The following ABI3BP variants were observed in gnomAD, a reference collection of about 807,000 sequenced individuals.
ABI3BP encodes target of Nesh-SH3.
ABI3BP carries 216 observed loss-of-function variants against 268.6 expected under a neutral mutation model. The observed-to-expected ratio is 0.80, with a 90% CI of 0.72 to 0.90. The LOEUF is 0.90. Ranked by LOEUF, ABI3BP falls within the 40% of genes least tolerant of loss-of-function variation. The pLI, the probability that ABI3BP is intolerant of heterozygous loss-of-function variation, is 0.00. For missense variants in ABI3BP, 2,090 were observed against 2,182.4 expected, an observed-to-expected ratio of 0.96 and a Z score of 0.84; for synonymous variants, 730 against 730.0, an observed-to-expected ratio of 1.00 and a Z score of 0.00.
intron 5 of ABI3BP, among the ~76,000 whole-genome samples, 200 bp downstream of exon 5, chr3:100,885,942 C>T (rs3732898): frequency 0.36 from 55,067 of 151,762 alleles, 10,655 homozygotes; most frequent in East Asian, 0.71. Context: ...ATATTTATTA[C>T]TTATTTTAAA....
At chr3:100,969,354 C>A (rs1446947903) in intron 1 of ABI3BP, among the ~76,000 whole-genome samples, 1 of 152,124 alleles carries the variant, frequency 6.6e-6, no homozygotes, top group East Asian at 1.9e-4. Flanking sequence ...AGTGGCATTG[C>A]CAGAATTAGA....
At chr3:100,882,456 A>G (rs2039808580) in intron 6 of ABI3BP, among the ~76,000 whole-genome samples, 1 of 146,736 alleles carries the variant, frequency 6.8e-6, no homozygotes, top group Non-Finnish European at 1.5e-5. Flanking sequence ...ATATATATAT[A>G]TATATTTTTT....
intron 3 of ABI3BP, among the ~76,000 whole-genome samples, chr3:100,901,550 G>A (rs551149310): frequency 1.3e-5 from 2 of 152,222 alleles, no homozygotes; most frequent in South Asian, 4.1e-4. Flanking sequence ...TGGATCATGA[G>A]GTCAGGAGGT....
In ABI3BP at chr3:100,838,303, C is replaced by T; in HGVS notation, c.2009-19G>A. The stretch of plus-strand genomic sequence containing the variant: ...TTTGAACCTGAAGAAAATTAGAGTG[C>T]CATAATTAGTGTTACGGCTGAGCTG... On this transcript the variant is annotated intron_variant, in intron 25 of 67. Transcript: ENST00000471714. The T allele has an allele frequency of 1.3e-6, 2 of 1,534,658 alleles. No individual in the cohort carries two copies. The highest frequency in any genetic ancestry group is 1.7e-6 in the Non-Finnish European group (2 of 1,145,400).
At chr3:100,846,217 T>C (rs2098766359) in intron 20 of ABI3BP, among the ~76,000 whole-genome samples, 155 bp downstream of exon 20, 1 of 152,212 alleles carries the variant, frequency 6.6e-6, no homozygotes, top group African/African-American at 2.4e-5. Context: ...ACAGTGGCTA[T>C]TTATGATTAG....
intron 62 of ABI3BP, among the ~76,000 whole-genome samples, chr3:100,768,340 A>G (rs577729177): frequency 1.6e-4 from 24 of 152,174 alleles, no homozygotes; most frequent in Admixed American, 5.2e-4. Context: ...CGCCCACCTC[A>G]GCCTCCCAGA....
intron 31 of ABI3BP, 51 bp downstream of exon 31, chr3:100,832,213 C>T: frequency 1.3e-6 from 2 of 1,494,696 alleles, no homozygotes; most frequent in Non-Finnish European, 1.8e-6. Flanking sequence ...ACTTACAGTC[C>T]CAACCGTGGT....
chr3:100,855,256 A>C (rs1431951283), intron 14 of ABI3BP, among the ~76,000 whole-genome samples: 1 of 152,204 alleles, frequency 6.6e-6, no homozygotes, highest in African/African-American at 2.4e-5. Flanking sequence ...AGTACATTTT[A>C]GTTTTACTTT....
At chr3:100,784,163 G>A (rs756564784) in intron 57 of ABI3BP, among the ~76,000 whole-genome samples, 16 of 152,102 alleles carry the variant, frequency 1.1e-4, no homozygotes, top group Admixed American at 2.6e-4. Flanking sequence ...TGGGGCTTAC[G>A]GAATCACAAG....
At chr3:100,941,476 A>G (rs577944983) in intron 1 of ABI3BP, among the ~76,000 whole-genome samples, 1 of 152,266 alleles carries the variant, frequency 6.6e-6, no homozygotes, top group African/African-American at 2.4e-5. Flanking sequence ...ATGTCACTTT[A>G]CAAAAAGTCC....
At chr3:100,970,374 T>C (rs2083063332) in intron 1 of ABI3BP, among the ~76,000 whole-genome samples, 1 of 150,948 alleles carries the variant, frequency 6.6e-6, no homozygotes, top group Non-Finnish European at 1.5e-5. Context: ...GGGAAGTAGC[T>C]ACAGTTCCTT....
Position 100,839,620 on chromosome 3 carries a change from C to T in ABI3BP, c.1898-4G>A. On this transcript the variant is annotated splice_polypyrimidine_tract_variant and splice_region_variant and intron_variant, in intron 23 of 67. Coordinates refer to ENST00000471714, the MANE Select transcript of ABI3BP (RefSeq NM_001375547.2). ...TGTATCGTGGCAGGTTCCAGAGCTA[C>T]AGAAGCAAATACCAAAAACATGAAA... 2.6e-6 allele frequency: 4 copies of T among 1,535,754 alleles called. No homozygotes were observed. The highest frequency in any genetic ancestry group is 3.5e-6 in the Non-Finnish European group (4 of 1,146,642).
intron 1 of ABI3BP, among the ~76,000 whole-genome samples, chr3:100,948,246 C>T (rs1443281947): frequency 6.6e-6 from 1 of 152,030 alleles, no homozygotes; most frequent in Non-Finnish European, 1.5e-5. Context: ...ATGAATAATA[C>T]AAAATTCAAA....
At chr3:100,959,734 C>A (rs575345049) in intron 1 of ABI3BP, among the ~76,000 whole-genome samples, 1 of 152,032 alleles carries the variant, frequency 6.6e-6, no homozygotes, top group Non-Finnish European at 1.5e-5. Context: ...TCAGTCTTGA[C>A]TTTATAAGAT....
intron 1 of ABI3BP, among the ~76,000 whole-genome samples, chr3:100,936,864 C>T (rs1584124800): frequency 1.3e-5 from 2 of 151,984 alleles, no homozygotes; most frequent in South Asian, 4.1e-4. Flanking sequence ...TGATTCTTCT[C>T]TCTTTTCATC....
intron 51 of ABI3BP, among the ~76,000 whole-genome samples, chr3:100,804,221 T>C (rs1320445971): frequency 1.3e-5 from 2 of 152,200 alleles, no homozygotes; most frequent in African/African-American, 2.4e-5. Context: ...CTTCCCCATA[T>C]GTGAACAAAA....
At chr3:100,903,548 A>G (rs9832195) in intron 2 of ABI3BP, among the ~76,000 whole-genome samples, 5 of 152,190 alleles carry the variant, frequency 3.3e-5, no homozygotes, top group African/African-American at 1.2e-4. Context: ...TAAACTCTGA[A>G]ACTCGTTCTA....
intron 6 of ABI3BP, among the ~76,000 whole-genome samples, chr3:100,878,458 C>T (rs1268039717): frequency 6.6e-6 from 1 of 152,158 alleles, no homozygotes; most frequent in Non-Finnish European, 1.5e-5. Context: ...TGTTTAGCTA[C>T]CACACATGCT....
intron 12 of ABI3BP, chr3:100,863,199 A>G (rs1225962822): frequency 3.9e-6 from 1 of 257,900 alleles, no homozygotes; most frequent in Non-Finnish European, 7.2e-6. Context: ...GTGTTCTTAA[A>G]TATATTTCAT....
Sources: allele counts gnomAD v4.1 joint callset (sites outside exome capture counted in the v4.1 genomes callset), GRCh38; gene constraint gnomAD v4.1.1; transcripts MANE v1.5; gene names NCBI Gene and HGNC (gene_info 2026-07-23, HGNC 2026-07-21).